Variants in STAU2 observed in about 807,000 individuals in gnomAD.
STAU2 encodes the protein staufen double-stranded RNA binding protein 2.
In STAU2, 20 loss-of-function variants were observed where a neutral mutation model predicts 65.9. That is an observed-to-expected ratio of 0.30 (90% confidence interval 0.21 to 0.44). The LOEUF is 0.44. Among genes scored for constraint, STAU2 ranks in the 20% least tolerant of loss-of-function variants. The probability of loss-of-function intolerance (pLI) is 1.00; values close to 1 mark genes in which losing one functional copy is unlikely to be tolerated. For synonymous variants in STAU2, 232 were observed against 233.9 expected (o/e 0.99, Z 0.07); for missense variants, 558 against 683.9 (o/e 0.82, Z 2.05).
At chr8:73,631,911 C>A (rs1055669514) in intron 6 of STAU2, among the ~76,000 whole-genome samples, 1 of 151,804 alleles carries the variant, frequency 6.6e-6, no homozygotes, top group African/African-American at 2.4e-5. Context: ...ATCTTACCCA[C>A]CCGCAAAAGA....
At chr8:73,709,227 T>C (rs1820722678) in intron 3 of STAU2, 65 bp from the exon 4 acceptor site, 1 of 1,310,436 alleles carries the variant, frequency 7.6e-7, no homozygotes, top group Non-Finnish European at 9.9e-7. Flanking sequence ...GAAAAACTAG[T>C]TTTGACTTTG....
chr8:73,463,347 T>C (rs1819477740), intron 13 of STAU2, among the ~76,000 whole-genome samples: 1 of 152,246 alleles, frequency 6.6e-6, no homozygotes, highest in African/African-American at 2.4e-5. Context: ...TATAACAATG[T>C]TGTCCAGAAA....
intron 8 of STAU2, among the ~76,000 whole-genome samples, chr8:73,615,052 T>C (rs1812733049): frequency 6.6e-6 from 1 of 152,218 alleles, no homozygotes; most frequent in Non-Finnish European, 1.5e-5. Context: ...TCCACAACTC[T>C]TTCAGCTTAT....
intron 13 of STAU2, among the ~76,000 whole-genome samples, chr8:73,499,043 G>A (rs1026619112): frequency 2.6e-5 from 4 of 151,846 alleles, no homozygotes; most frequent in African/African-American, 9.7e-5. Context: ...CAGAGAAGAA[G>A]GAATTCTGCC....
intron 4 of STAU2, among the ~76,000 whole-genome samples, chr8:73,691,811 G>A (rs1819339434): frequency 6.6e-6 from 1 of 151,976 alleles, no homozygotes; most frequent in African/African-American, 2.4e-5. Context: ...CTAATATTTG[G>A]TCTTTGATCC....
At chr8:73,692,193 ACTT>A (rs1307401638) in intron 4 of STAU2, among the ~76,000 whole-genome samples, 5 of 148,526 alleles carry the variant, frequency 3.4e-5, no homozygotes, top group Non-Finnish European at 5.9e-5. Context: ...CATCCTACGT[ACTT>A]CTTTTTTTTT....
At chr8:73,735,795 G>T (rs989389699) in intron 3 of STAU2, among the ~76,000 whole-genome samples, 1 of 152,178 alleles carries the variant, frequency 6.6e-6, no homozygotes, top group African/African-American at 2.4e-5. Flanking sequence ...AACATGACCT[G>T]CAACATAGCC....
intron 6 of STAU2, among the ~76,000 whole-genome samples, chr8:73,663,659 T>C (rs1817008938): frequency 6.6e-6 from 1 of 152,174 alleles, no homozygotes; most frequent in Admixed American, 6.5e-5. Context: ...CTATGATTTT[T>C]GTTACAACTG....
chr8:73,543,043 C>T lies in STAU2; in HGVS notation c.1530+8969G>A, dbSNP rs535626042. ...TGAAAACAACCCAAATGTCCATCAA[C>T]AGGCAAACTGAAACAATTTGTGGTA... is the stretch of plus-strand genomic sequence containing the variant. On this transcript the variant is annotated intron_variant, in intron 13 of 14. Transcript: ENST00000524300. Among the ~76,000 whole-genome samples the T allele has an allele frequency of 9.7e-4, 148 of 152,282 alleles. 2 individuals are homozygous for T. Among genetic ancestry groups the T allele is most frequent in the Non-Finnish European group, 1.3e-3 (91 of 68,012 alleles).
intron 13 of STAU2, among the ~76,000 whole-genome samples, chr8:73,484,357 G>A (rs779042965): frequency 6.6e-6 from 1 of 152,042 alleles, no homozygotes; most frequent in East Asian, 1.9e-4. Flanking sequence ...AAAGACAAAG[G>A]TTACTTCTGA....
At chr8:73,515,609 T>C in intron 13 of STAU2, among the ~76,000 whole-genome samples, 1 of 152,042 alleles carries the variant, frequency 6.6e-6, no homozygotes, top group African/African-American at 2.4e-5. Flanking sequence ...CCTAGGTAAG[T>C]AACCAGAAGT....
rs144912522 is a variant in STAU2, at chr8:73,722,283, ATCTTT to A, written c.-17-13126_-17-13122del. Among the ~76,000 whole-genome samples, 623 of 152,296 alleles carry A rather than the reference ATCTTT, an allele frequency of 4.1e-3. 5 individuals carry two copies. Among genetic ancestry groups the A allele is most frequent in the African/African-American group, 0.014 (590 of 41,564 alleles). On this transcript the variant is annotated intron_variant, in intron 3 of 14. Transcript: ENST00000524300. Reference sequence around the variant, plus strand: ...ATATTTTTGCTTTAAGCAGTCACTTATCTTTTAAGGAGATTTAACTGATAAGAAAA... The same window carrying A: ...ATATTTTTGCTTTAAGCAGTCACTTATAAGGAGATTTAACTGATAAGAAAA...
intron 13 of STAU2, among the ~76,000 whole-genome samples, chr8:73,523,065 G>A (rs1339016607): frequency 2.6e-5 from 4 of 151,638 alleles, no homozygotes; most frequent in Admixed American, 6.6e-5. Context: ...GTGTGGTGGC[G>A]TGCACCTGTA....
intron 13 of STAU2, among the ~76,000 whole-genome samples, chr8:73,478,976 A>C (rs1820465313): frequency 6.6e-6 from 1 of 152,128 alleles, no homozygotes; most frequent in Non-Finnish European, 1.5e-5. Flanking sequence ...CTTTTATTAA[A>C]AATGTATTAC....
intron 13 of STAU2, among the ~76,000 whole-genome samples, chr8:73,478,744 CT>C (rs1235822587): frequency 6.6e-6 from 1 of 151,592 alleles, no homozygotes; most frequent in African/African-American, 2.4e-5. Context: ...ATTTTTAAGC[CT>C]TTTTCTCAAT....
intron 6 of STAU2, chr8:73,651,406 G>C: frequency 4.5e-6 from 3 of 665,536 alleles, no homozygotes; most frequent in Non-Finnish European, 8.4e-6. Flanking sequence ...AGCTGTCGGA[G>C]GTCCAGATAA....
chr8:73,742,716 G>A (rs183913016), intron 1 of STAU2, among the ~76,000 whole-genome samples: 154 of 151,778 alleles, frequency 1.0e-3, no homozygotes, highest in African/African-American at 3.6e-3. Context: ...AAAACAAGCA[G>A]GATTATAGGG....
chr8:73,665,273 A>G (rs1020955065), intron 6 of STAU2, among the ~76,000 whole-genome samples: 1 of 152,202 alleles, frequency 6.6e-6, no homozygotes, highest in African/African-American at 2.4e-5. Context: ...CATCTATTCT[A>G]TAAAGTGATA....
intron 13 of STAU2, among the ~76,000 whole-genome samples, chr8:73,502,396 A>G (rs997905535): frequency 6.6e-5 from 10 of 151,966 alleles, no homozygotes; most frequent in Admixed American, 5.3e-4. Flanking sequence ...ACTAGATAGC[A>G]TTCAAATTCG....
Sources: gnomAD v4.1 joint callset for allele counts (sites outside exome capture counted in the v4.1 genomes callset) on GRCh38, gnomAD v4.1.1 for gene constraint, MANE v1.5 for transcripts, NCBI Gene and HGNC (gene_info 2026-07-23, HGNC 2026-07-21) for gene names.